ZMYM4: variants seen among roughly 807,000 people sequenced by gnomAD.
The protein encoded by ZMYM4 is zinc finger MYM-type containing 4.
ZMYM4 carries 31 observed loss-of-function variants against 183.2 expected under a neutral mutation model. The observed-to-expected ratio is 0.17, with a 90% CI of 0.13 to 0.23. The LOEUF (loss-of-function observed/expected upper bound fraction) is 0.23. Among genes scored for constraint, ZMYM4 ranks in the 10% least tolerant of loss-of-function variants. ZMYM4 has a pLI of 1.00. For missense variants in ZMYM4, 1,273 were observed against 1,840.3 expected, an observed-to-expected ratio of 0.69 and a Z score of 5.64; for synonymous variants, 592 against 631.2, an observed-to-expected ratio of 0.94 and a Z score of 0.93.
chr1:35,346,266 C>T (rs1466101104), intron 2 of ZMYM4, among the ~76,000 whole-genome samples: 5 of 152,120 alleles, frequency 3.3e-5, no homozygotes, highest in Non-Finnish European at 5.9e-5. Flanking sequence ...AGTACTGCAC[C>T]ATGGTGGCTG....
At chr1:35,326,162 C>T (rs558077) in intron 2 of ZMYM4, among the ~76,000 whole-genome samples, 150,597 of 152,318 alleles carry the variant, frequency 0.99, 74,473 homozygotes, top group Non-Finnish European at 1. Context: ...CCAATTTTAC[C>T]ATAAGTTTAA....
At chr1:35,288,430 C>G (rs1405745534) in intron 1 of ZMYM4, among the ~76,000 whole-genome samples, 1 of 152,170 alleles carries the variant, frequency 6.6e-6, no homozygotes, top group Non-Finnish European at 1.5e-5. Context: ...GCTCTGACTC[C>G]TATCAGAAAT....
intron 7 of ZMYM4, among the ~76,000 whole-genome samples, chr1:35,375,338 T>G (rs1321428658): frequency 6.6e-6 from 1 of 152,224 alleles, no homozygotes; most frequent in Non-Finnish European, 1.5e-5. Context: ...TTTGGTATAG[T>G]CTGATTTATC....
chr1:35,383,784 A>G (rs1015382599), intron 9 of ZMYM4, among the ~76,000 whole-genome samples: 4 of 152,198 alleles, frequency 2.6e-5, no homozygotes, highest in Admixed American at 1.3e-4. Flanking sequence ...CTGCTGTGGT[A>G]GAGAAAGAAC....
At chr1:35,305,231 GTAAAAATC>G in intron 1 of ZMYM4, among the ~76,000 whole-genome samples, 1 of 152,330 alleles carries the variant, frequency 6.6e-6, no homozygotes, top group East Asian at 1.9e-4. Flanking sequence ...TGGTAGGGCT[GTAAAAATC>G]TTCTGTGTCT....
At chr1:35,339,478 G>A (rs1309291135) in intron 2 of ZMYM4, among the ~76,000 whole-genome samples, 3 of 152,040 alleles carry the variant, frequency 2.0e-5, no homozygotes, top group Admixed American at 6.6e-5. Flanking sequence ...CAGGTGATCC[G>A]CCTGCCTTGG....
rs772250199 is a variant in ZMYM4, at chr1:35,352,265, GCGCGCA to G, written c.86-6658_86-6653del. ...AATTTAAAAATTAGCGCGCACGCGCGCGCGCACACACACACACACACACACACACAC... is the reference window on the plus strand; with the variant it reads ...AATTTAAAAATTAGCGCGCACGCGCGCACACACACACACACACACACACAC... On this transcript the variant is annotated intron_variant, in intron 2 of 29. Coordinates refer to ENST00000314607, the MANE Select transcript of ZMYM4 (RefSeq NM_005095.3). Among the ~76,000 whole-genome samples, 100 of 85,488 alleles carry G rather than the reference GCGCGCA, an allele frequency of 1.2e-3. 4 individuals carry two copies. The highest frequency in any genetic ancestry group is 4.3e-3 in the Admixed American group (39 of 9,088). The allele number at this position is 85,488 out of a possible 152,430, so 56.1% of individuals were successfully genotyped here.
chr1:35,407,250 A>G (rs1411981013), intron 25 of ZMYM4, among the ~76,000 whole-genome samples: 1 of 152,128 alleles, frequency 6.6e-6, no homozygotes, highest in Non-Finnish European at 1.5e-5. Flanking sequence ...CCTGACCAAC[A>G]TGGAGAAACC....
chr1:35,394,216 A>C (rs1205456919), intron 18 of ZMYM4, among the ~76,000 whole-genome samples: 1 of 127,302 alleles, frequency 7.9e-6, no homozygotes, highest in Non-Finnish European at 1.6e-5. Flanking sequence ...CCCCCTAGGC[A>C]GAATCTCTGA....
chr1:35,314,862 TA>T (rs1641973989), intron 1 of ZMYM4, among the ~76,000 whole-genome samples: 1 of 150,858 alleles, frequency 6.6e-6, no homozygotes, highest in Non-Finnish European at 1.5e-5. Context: ...CTGTCTCTAT[TA>T]AAAATACAAA....
At chr1:35,374,633 C>T (rs1285889685) in intron 7 of ZMYM4, among the ~76,000 whole-genome samples, 20 of 150,128 alleles carry the variant, frequency 1.3e-4, no homozygotes, top group Admixed American at 6.6e-5. Flanking sequence ...AGACCTGGTC[C>T]CCCCCAGCTC....
intron 1 of ZMYM4, among the ~76,000 whole-genome samples, chr1:35,274,547 A>G (rs137911204): frequency 2.0e-5 from 3 of 150,902 alleles, no homozygotes; most frequent in East Asian, 2.0e-4. Flanking sequence ...TCGAGATTGC[A>G]TTGAACTATG....
chr1:35,290,125 G>A (rs747468138), intron 1 of ZMYM4, among the ~76,000 whole-genome samples: 1 of 151,918 alleles, frequency 6.6e-6, no homozygotes, highest in Non-Finnish European at 1.5e-5. Context: ...GCACTACCAC[G>A]CCCAGCTAAT....
At position 35,387,209 on chromosome 1, in the gene ZMYM4, T is replaced by G. The variant is rs761900281; in HGVS notation, c.2043T>G (p.Ser681Arg). ...CCCAGCATGTTGGGTTTGCACGAAG[T>G]GTTGTGAAACTCAAATGTCAACACT... ...AQSQHVGFAR[S>R]VVKLKCQHCN... The change falls in exon 12 of 30, where the codon AGT becomes AGG. Residue 681 changes from serine (S) to arginine (R), a missense_variant. Ser to Arg is a moderately radical substitution (Grantham distance 110). Around this residue, in one of 6 missense-constraint regions of ZMYM4, gnomAD observed 319 missense variants for 518.1 expected, o/e 0.62. Coordinates refer to ENST00000314607, the MANE Select transcript of ZMYM4 (RefSeq NM_005095.3). 3 of 1,614,112 alleles carry G rather than the reference T, an allele frequency of 1.9e-6. No individual in the cohort carries two copies. The African/African-American group carries it at 4.0e-5, about 22-fold the overall frequency.
intron 2 of ZMYM4, among the ~76,000 whole-genome samples, chr1:35,330,107 T>C (rs929645402): frequency 6.6e-6 from 1 of 151,722 alleles, no homozygotes; most frequent in East Asian, 1.9e-4. Context: ...CCCAGCTGCT[T>C]GGGAGATTGA....
At chr1:35,312,047 C>G (rs1017996987) in intron 1 of ZMYM4, among the ~76,000 whole-genome samples, 3 of 152,110 alleles carry the variant, frequency 2.0e-5, no homozygotes, top group African/African-American at 7.2e-5. Flanking sequence ...CCACCATACC[C>G]TGCCTGTTTT....
chr1:35,293,054 A>G (rs2148721722), intron 1 of ZMYM4, among the ~76,000 whole-genome samples: 1 of 148,442 alleles, frequency 6.7e-6, no homozygotes, highest in East Asian at 2.0e-4. Context: ...AGGCTGGAGT[A>G]TGGTGGCATG....
intron 2 of ZMYM4, among the ~76,000 whole-genome samples, chr1:35,334,152 C>T (rs55895304): frequency 8.4e-4 from 128 of 151,860 alleles, no homozygotes; most frequent in African/African-American, 3.0e-3. Context: ...TCCATCTCTA[C>T]AGAAAATACA....
intron 5 of ZMYM4, among the ~76,000 whole-genome samples, chr1:35,363,977 A>G (rs1644007960): frequency 1.3e-5 from 2 of 152,238 alleles, no homozygotes; most frequent in East Asian, 1.9e-4. Flanking sequence ...CACTTAGAGC[A>G]TAAACCAAAT....
Sources: allele counts gnomAD v4.1 joint callset (sites outside exome capture counted in the v4.1 genomes callset), GRCh38; gene constraint gnomAD v4.1.1; regional missense constraint gnomAD v4.1.1; transcripts MANE v1.5; gene names NCBI Gene and HGNC (gene_info 2026-07-23, HGNC 2026-07-21).